The following PCP4 variants were observed in gnomAD, a reference collection of about 807,000 sequenced individuals.
The protein encoded by PCP4 is calmodulin regulator protein PCP4.
Under a neutral mutation model 10.0 loss-of-function variants are expected in PCP4, and 8 were observed. The ratio of observed to expected loss-of-function variants is 0.80; its 90% CI spans 0.47 to 1.45. The LOEUF (loss-of-function observed/expected upper bound fraction) is 1.45. PCP4 is among the 40% of genes most tolerant of loss of function. The pLI is 0.00. For synonymous variants in PCP4, 21 were observed against 23.0 expected, an observed-to-expected ratio of 0.91 and a Z score of 0.24; for missense variants, 54 against 74.4, an observed-to-expected ratio of 0.73 and a Z score of 1.01.
Position 39,895,910 on chromosome 21 carries a change from G to T in PCP4, c.10-2566G>T, listed in dbSNP as rs368281255. On this transcript the variant is annotated intron_variant, in intron 1 of 2. Coordinates refer to ENST00000328619, the MANE Select transcript of PCP4 (RefSeq NM_006198.3). ...AGACCTCCATTGAAAATGTCAAAAG[G>T]TCCCAAAGAATTCTGAAATGAGATA... 1.1e-4 allele frequency among the ~76,000 whole-genome samples: 16 copies of T among 152,250 alleles called. No homozygotes were observed. The East Asian group carries it at 3.1e-3, about 29-fold the overall frequency.
At chr21:39,905,999 G>A (rs968252544) in intron 2 of PCP4, among the ~76,000 whole-genome samples, 3 of 152,188 alleles carry the variant, frequency 2.0e-5, no homozygotes, top group African/African-American at 4.8e-5. Context: ...GCAGTGAGCC[G>A]AGACCATGCC....
At chr21:39,890,146 C>T (rs1292812213) in intron 1 of PCP4, among the ~76,000 whole-genome samples, 1 of 152,090 alleles carries the variant, frequency 6.6e-6, no homozygotes, top group African/African-American at 2.4e-5. Context: ...TCCTTCAGGC[C>T]CAGGCATGGC....
chr21:39,929,156 C>A lies in PCP4; in HGVS notation c.*45C>A, dbSNP rs748488833. 5 of 1,571,408 alleles carry A rather than the reference C, an allele frequency of 3.2e-6. No individual in the cohort carries two copies. Among genetic ancestry groups the A allele is most frequent in the Admixed American group, 1.8e-5 (1 of 54,088 alleles). ...TCCACCTGAAAACACCAAATTCAAC[C>A]ATCATCTGTCAAGAAATTAAAAGAA... On this transcript the variant is annotated 3_prime_UTR_variant, in exon 3 of 3. Coordinates refer to ENST00000328619, the MANE Select transcript of PCP4 (RefSeq NM_006198.3).
At chr21:39,911,296 C>T (rs983539551) in intron 2 of PCP4, among the ~76,000 whole-genome samples, 3 of 152,052 alleles carry the variant, frequency 2.0e-5, no homozygotes, top group South Asian at 2.1e-4. Flanking sequence ...TTTAACATTT[C>T]CTCTAGAAAA....
At chr21:39,927,703 G>A (rs1316294930) in intron 2 of PCP4, among the ~76,000 whole-genome samples, 1 of 152,152 alleles carries the variant, frequency 6.6e-6, no homozygotes, top group Admixed American at 6.5e-5. Context: ...TGGCAGCGAG[G>A]CTCTTGGCCC....
chr21:39,927,319 T>TATCTATCA (rs1197802783), intron 2 of PCP4, among the ~76,000 whole-genome samples: 1 of 108,380 alleles, frequency 9.2e-6, no homozygotes, highest in Non-Finnish European at 2.1e-5. Flanking sequence ...TCTATCTATC[T>TATCTATCA]ATCATCTATC....
At chr21:39,928,410 A>G (rs2087635226) in intron 2 of PCP4, among the ~76,000 whole-genome samples, 1 of 152,204 alleles carries the variant, frequency 6.6e-6, no homozygotes, top group African/African-American at 2.4e-5. Flanking sequence ...CCATTTGCCA[A>G]GTCTACCTCA....
chr21:39,921,177 G>A (rs1052716560), intron 2 of PCP4, among the ~76,000 whole-genome samples: 7 of 152,184 alleles, frequency 4.6e-5, no homozygotes, highest in Non-Finnish European at 7.3e-5. Flanking sequence ...CAAGCTGGTT[G>A]ACTGTATTAT....
At chr21:39,869,370 G>A (rs1323250372) in intron 1 of PCP4, among the ~76,000 whole-genome samples, 1 of 152,230 alleles carries the variant, frequency 6.6e-6, no homozygotes, top group Non-Finnish European at 1.5e-5. Flanking sequence ...TGCTGAACGG[G>A]TAATCAGGGC....
chr21:39,916,977 G>A lies in PCP4; in HGVS notation c.62-12007G>A, dbSNP rs535366201. On this transcript the variant is annotated intron_variant, in intron 2 of 2. Transcript: ENST00000328619. ...AGAGCATCAGGAAGAATAGCTAATG[G>A]ATGCTGGGCTTAATACCTAGGCGAT... Among the ~76,000 whole-genome samples, 18 of 152,294 alleles carry A rather than the reference G, an allele frequency of 1.2e-4. No homozygotes were observed. The South Asian group carries it at 3.5e-3, about 30-fold the overall frequency.
intron 1 of PCP4, among the ~76,000 whole-genome samples, chr21:39,896,429 G>A (rs2087457220): frequency 6.6e-6 from 1 of 152,156 alleles, no homozygotes; most frequent in Non-Finnish European, 1.5e-5. Context: ...TTTCCACCCA[G>A]TGCAGCAAAC....
chr21:39,867,562 C>G, intron 1 of PCP4, 52 bp downstream of exon 1: 3 of 1,566,200 alleles, frequency 1.9e-6, no homozygotes, highest in Admixed American at 1.7e-5. Flanking sequence ...GAAGGGACCT[C>G]GGCTGAAGGA....
chr21:39,928,989 C>T lies in PCP4; in HGVS notation c.67C>T (p.Gln23Ter), dbSNP rs1336524954. The change falls in exon 3 of 3, where the codon CAG becomes TAG. Residue 23 changes from glutamine to a stop codon, truncating the protein, a stop_gained. Coordinates refer to ENST00000328619, the MANE Select transcript of PCP4 (RefSeq NM_006198.3). LOFTEE classifies it high-confidence loss of function. ...TTGTGTTTGTCTTGCTACAGATGGA[C>T]AGAAGAAAGTTCAAGAAGAATTTGA... ...KDKTSGENDG[Q>*]KKVQEEFDID... is the part of the protein sequence containing the mutation. The T allele has an allele frequency of 6.2e-7, 1 of 1,612,326 alleles. No individual in the cohort carries two copies. The highest frequency in any genetic ancestry group is 8.5e-7 in the Non-Finnish European group (1 of 1,179,188).
In PCP4 at chr21:39,909,250, C is replaced by T. The variant is rs114979330; in HGVS notation, c.61+10723C>T. 2.4e-3 allele frequency among the ~76,000 whole-genome samples: 372 copies of T among 152,242 alleles called. 1 individual carries two copies. Among genetic ancestry groups the T allele is most frequent in the African/African-American group, 8.7e-3 (360 of 41,538 alleles). On this transcript the variant is annotated intron_variant, in intron 2 of 2. Coordinates refer to ENST00000328619, the MANE Select transcript of PCP4 (RefSeq NM_006198.3). ...CTCATGGCTATTATGGCATATTGAT[C>T]TGTTCTTTTACTATCGCTTTTTCCT...
rs576503989 is a variant in PCP4, at chr21:39,908,132, G to A, written c.61+9605G>A. Among the ~76,000 whole-genome samples, 30 of 152,314 alleles carry A rather than the reference G, an allele frequency of 2.0e-4. No homozygotes were observed. The South Asian group carries it at 6.0e-3, about 31-fold the overall frequency. On this transcript the variant is annotated intron_variant, in intron 2 of 2. Coordinates refer to ENST00000328619, the MANE Select transcript of PCP4 (RefSeq NM_006198.3). ...GCTTCAGAAAAAAAAAGCAAGAAAAGTGGTTTATTGAAACCATGCTTTCAT... is the reference window on the plus strand; with the variant it reads ...GCTTCAGAAAAAAAAAGCAAGAAAAATGGTTTATTGAAACCATGCTTTCAT...
Position 39,928,132 on chromosome 21 carries a change from C to A in PCP4, c.62-852C>A, listed in dbSNP as rs116361196. On this transcript the variant is annotated intron_variant, in intron 2 of 2. Coordinates refer to ENST00000328619, the MANE Select transcript of PCP4 (RefSeq NM_006198.3). ...AGTGGTGATTTGTAAGATTTTGATA[C>A]ACCCATCACCTGAGCAGCATACACT... Among the ~76,000 whole-genome samples, 562 of 152,222 alleles carry A rather than the reference C, an allele frequency of 3.7e-3. 4 individuals carry two copies. Among genetic ancestry groups the A allele is most frequent in the African/African-American group, 0.013 (535 of 41,518 alleles).
In PCP4 at chr21:39,929,013, G is replaced by A. The variant is rs1222486064; in HGVS notation, c.91G>A (p.Asp31Asn). Reference sequence around the variant, plus strand: ...ACAGAAGAAAGTTCAAGAAGAATTTGACATTGACATGGATGCACCAGAGAC... The same window carrying A: ...ACAGAAGAAAGTTCAAGAAGAATTTAACATTGACATGGATGCACCAGAGAC... The part of the protein sequence containing the change: ...DGQKKVQEEF[D>N]IDMDAPETER... Residue 31 changes from aspartate to asparagine, a missense_variant, in exon 3 of 3, where the codon GAC becomes AAC. Physicochemically the swap from Asp to Asn is conservative, Grantham distance 23. Coordinates refer to ENST00000328619, the MANE Select transcript of PCP4 (RefSeq NM_006198.3). 3 of 1,612,994 alleles carry A rather than the reference G, an allele frequency of 1.9e-6. No individual in the cohort carries two copies. The highest frequency in any genetic ancestry group is 4.5e-5 in the East Asian group (2 of 44,814).
intron 1 of PCP4, among the ~76,000 whole-genome samples, chr21:39,880,924 T>A (rs2087372565): frequency 6.6e-6 from 1 of 152,186 alleles, no homozygotes; most frequent in Non-Finnish European, 1.5e-5. Context: ...TCAGAGGAAT[T>A]TGAAACAAAA....
At chr21:39,897,785 G>A (rs768784978) in intron 1 of PCP4, among the ~76,000 whole-genome samples, 38 of 152,030 alleles carry the variant, frequency 2.5e-4, no homozygotes, top group Admixed American at 2.6e-4. Flanking sequence ...GGTGGCTCAC[G>A]CCTGTAATCC....
Sources: gnomAD v4.1 joint callset for allele counts (sites outside exome capture counted in the v4.1 genomes callset) on GRCh38, gnomAD v4.1.1 for gene constraint, MANE v1.5 for transcripts, NCBI Gene and HGNC (gene_info 2026-07-23, HGNC 2026-07-21) for gene names.